Variants in SERPINB9 observed in about 807,000 individuals in gnomAD.
The protein encoded by SERPINB9 is serpin family B member 9.
SERPINB9 carries 20 observed loss-of-function variants against 27.2 expected under a neutral mutation model. The ratio of observed to expected loss-of-function variants is 0.74; its 90% CI spans 0.52 to 1.07. SERPINB9 has a LOEUF of 1.07. Among genes scored for constraint, SERPINB9 ranks in the 50% least tolerant of loss-of-function variants. SERPINB9 has a pLI of 0.00. For synonymous variants in SERPINB9, 189 were observed against 180.0 expected (o/e 1.05, Z -0.40); for missense variants, 476 against 460.1 (o/e 1.03, Z -0.32).
At position 2,893,813 on chromosome 6, in the gene SERPINB9, A is replaced by C. The variant is rs561345825; in HGVS notation, c.425-260T>G. The stretch of plus-strand genomic sequence containing the variant: ...GGTTGGTACAAAGTAGAAAAATTAC[A>C]CCAGGTTGGAGAACAAGACCAGCAG... On this transcript the variant is annotated intron_variant, in intron 4 of 6. Coordinates refer to ENST00000380698, the MANE Select transcript of SERPINB9 (RefSeq NM_004155.6). Among the ~76,000 whole-genome samples the C allele has an allele frequency of 6.6e-5, 10 of 152,252 alleles. No individual in the cohort carries two copies. In the South Asian group the frequency reaches 1.9e-3, roughly 28 times the overall value.
intron 1 of SERPINB9, among the ~76,000 whole-genome samples, chr6:2,900,953 G>C (rs1283655523): frequency 6.6e-6 from 1 of 150,660 alleles, no homozygotes; most frequent in Non-Finnish European, 1.5e-5. Flanking sequence ...GTAAGGACCA[G>C]ATCGTCCCAT....
chr6:2,896,273 C>T (rs887256852), intron 2 of SERPINB9, 83 bp from the exon 3 acceptor site: 87 of 1,294,622 alleles, frequency 6.7e-5, no homozygotes, highest in Non-Finnish European at 8.9e-5. Context: ...AGAAAACAGG[C>T]GAGTAAAAGA....
In SERPINB9 at chr6:2,891,646, T is replaced by A. The variant is rs1312645439; in HGVS notation, c.723+187A>T. Among the ~76,000 whole-genome samples, 1 of 152,222 alleles carries A rather than the reference T, an allele frequency of 6.6e-6. No individual in the cohort carries two copies. Among genetic ancestry groups the A allele is most frequent in the African/African-American group, 2.4e-5 (1 of 41,458 alleles). On this transcript the variant is annotated intron_variant, in intron 6 of 6. Coordinates refer to ENST00000380698, the MANE Select transcript of SERPINB9 (RefSeq NM_004155.6). This position sits in a 1 kb window ranked among gnomAD's most constrained non-coding sequence, Gnocchi z 4.0. Reference sequence around the variant, plus strand: ...AAACAGAGGACTGAGATGTGTAGTTTGGCAGATCACGCAGACAATATTGGG... The same window carrying A: ...AAACAGAGGACTGAGATGTGTAGTTAGGCAGATCACGCAGACAATATTGGG...
chr6:2,890,340 A>C lies in SERPINB9; in HGVS notation c.954T>G (p.Ser318Arg). ...DLCLSKFVHK[S>R]FVEVNEEGTE... ...TGCCTTCTTCATTCACCTCCACAAA[A>C]CTCTTGTGCACGAACTTGGACAGAC... The change falls in exon 7 of 7, where the codon AGT becomes AGG. Residue 318 changes from serine to arginine, a missense_variant. By Grantham distance (110) the Ser-to-Arg change is moderately radical. Transcript: ENST00000380698. The surrounding 1 kb of genome is among the most constrained non-coding windows in gnomAD (Gnocchi z 6.2). 1 of 1,613,640 alleles carries C rather than the reference A, an allele frequency of 6.2e-7. No homozygotes were observed. The highest frequency in any genetic ancestry group is 8.5e-7 in the Non-Finnish European group (1 of 1,179,936).
intron 5 of SERPINB9, among the ~76,000 whole-genome samples, chr6:2,892,982 T>C (rs997523996): frequency 1.3e-5 from 2 of 150,248 alleles, no homozygotes; most frequent in Non-Finnish European, 3.0e-5. Flanking sequence ...TAAAGACACA[T>C]GTTTTCACCT....
rs765821714 is a variant in SERPINB9 at position 2,894,381 on chromosome 6, G to C, written c.425-828C>G. On this transcript the variant is annotated intron_variant, in intron 4 of 6. Coordinates refer to ENST00000380698, the MANE Select transcript of SERPINB9 (RefSeq NM_004155.6). The surrounding 1 kb of genome is among the most constrained non-coding windows in gnomAD (Gnocchi z 4.7). ...GTCTTGGAGGCCTAGACTGGAACAC[G>C]TCACTTTCTGAAATGTAGATGAATA... Among the ~76,000 whole-genome samples the C allele has an allele frequency of 3.3e-5, 5 of 152,174 alleles. No homozygotes were observed. Among genetic ancestry groups the C allele is most frequent in the African/African-American group, 4.8e-5 (2 of 41,436 alleles).
chr6:2,900,837 C>T (rs1768172210), intron 1 of SERPINB9, among the ~76,000 whole-genome samples: 1 of 150,642 alleles, frequency 6.6e-6, no homozygotes, highest in Non-Finnish European at 1.5e-5. Context: ...GGCAGCAGCT[C>T]AAACCAGCAA....
At chr6:2,896,618 G>A (rs1368393806) in intron 2 of SERPINB9, among the ~76,000 whole-genome samples, 1 of 152,200 alleles carries the variant, frequency 6.6e-6, no homozygotes, top group Non-Finnish European at 1.5e-5. Context: ...GGGACTACAT[G>A]TGTGTATATT....
At chr6:2,893,251 CCTT>C (rs200997671) in intron 5 of SERPINB9, among the ~76,000 whole-genome samples, 157 bp downstream of exon 5, 2,252 of 51,774 alleles carry the variant, frequency 0.043, 51 homozygotes, top group African/African-American at 0.15. Context: ...ATCTTTTACT[CCTT>C]CCGTTTTTTT....
chr6:2,903,303 G>A lies in SERPINB9; in HGVS notation c.-113C>T, dbSNP rs1211782266. 1.3e-5 allele frequency: 2 copies of A among 152,226 alleles called. No homozygotes were observed. The highest frequency in any genetic ancestry group is 4.8e-5 in the African/African-American group (2 of 41,472). 9.4% of individuals were successfully genotyped at this position (152,226 alleles called of 1,614,324 possible). ...CGGCCCTGCTGCTGCGCTCGCCGCG[G>A]ACTCCCGCTAGGGCCTCTGCAGGCA... On this transcript the variant is annotated 5_prime_UTR_variant, in exon 1 of 7. Coordinates refer to ENST00000380698, the MANE Select transcript of SERPINB9 (RefSeq NM_004155.6). The surrounding 1 kb of genome is among the most constrained non-coding windows in gnomAD (Gnocchi z 5.2).
intron 5 of SERPINB9, 22 bp from the exon 6 acceptor site, chr6:2,892,010 GA>G: frequency 6.5e-7 from 1 of 1,539,698 alleles, no homozygotes; most frequent in Non-Finnish European, 8.8e-7. Context: ...ATTATTGAAA[GA>G]CGCAATTAAA....
rs1767639180 is a variant in SERPINB9 at position 2,887,529 on chromosome 6, A to AG, written c.*2633dup. On this transcript the variant is annotated 3_prime_UTR_variant, in exon 7 of 7. Transcript: ENST00000380698. ...ATCTGCATATGATACATAATGTTGC[A>AG]GATGTTTGTAATTTACATAAAAGAT... 6.6e-6 allele frequency: 1 copy of AG among 152,232 alleles called. No individual in the cohort carries two copies. The highest frequency in any genetic ancestry group is 2.1e-4 in the South Asian group (1 of 4,832). The allele number at this position is 152,232 out of a possible 1,614,324, so 9.4% of individuals were successfully genotyped here. A position where few individuals can be genotyped will look rare whatever the true frequency, so the allele number is the denominator to read the frequency against.
At position 2,889,232 on chromosome 6, in the gene SERPINB9, T is replaced by G. The variant is rs1211844678; in HGVS notation, c.*931A>C. On this transcript the variant is annotated 3_prime_UTR_variant, in exon 7 of 7. Coordinates refer to ENST00000380698, the MANE Select transcript of SERPINB9 (RefSeq NM_004155.6). ...CCTACAAGAGGATTACGTGGTAAGT[T>G]GAAAGACATTAAACAGTCCAACCTG... The G allele has an allele frequency of 6.6e-6, 1 of 152,106 alleles. No individual in the cohort carries two copies. Among genetic ancestry groups the G allele is most frequent in the African/African-American group, 2.4e-5 (1 of 41,406 alleles). 9.4% of individuals were successfully genotyped at this position (152,106 alleles called of 1,614,324 possible).
chr6:2,900,649 A>C, intron 1 of SERPINB9, 28 bp from the exon 2 acceptor site: 7 of 1,598,262 alleles, frequency 4.4e-6, no homozygotes, highest in Non-Finnish European at 6.0e-6. Flanking sequence ...AGAGAAATGC[A>C]GTTTCCACAC....
intron 1 of SERPINB9, among the ~76,000 whole-genome samples, chr6:2,901,525 G>A (rs1428786992): frequency 6.6e-6 from 1 of 152,176 alleles, no homozygotes; most frequent in Non-Finnish European, 1.5e-5. Flanking sequence ...GAGTAAAACA[G>A]GCGAGAACAA....
intron 5 of SERPINB9, among the ~76,000 whole-genome samples, 196 bp from the exon 6 acceptor site, chr6:2,892,184 C>G (rs901666773): frequency 1.3e-4 from 19 of 149,010 alleles, no homozygotes; most frequent in Non-Finnish European, 3.0e-5. Context: ...ACAGTACCAC[C>G]CTGGGAAAGG....
At position 2,890,490 on chromosome 6, in the gene SERPINB9, G is replaced by A. The variant is rs1394084798; in HGVS notation, c.804C>T (p.Leu268=). ...DCMKSTEVEV[L]LPKFKLQEDY... is the part of the protein sequence containing the mutation. Reference sequence around the variant, plus strand: ...CCTCTTGTAGTTTAAATTTTGGAAGGAGAACTTCAACCTCAGTACTCTTCA... The same window carrying A: ...CCTCTTGTAGTTTAAATTTTGGAAGAAGAACTTCAACCTCAGTACTCTTCA... The change falls in exon 7 of 7, where the codon CTC becomes CTT. Residue 268 remains leucine, a synonymous_variant. Coordinates refer to ENST00000380698, the MANE Select transcript of SERPINB9 (RefSeq NM_004155.6). The surrounding 1 kb of genome is among the most constrained non-coding windows in gnomAD (Gnocchi z 6.2). 4 of 1,614,056 alleles carry A rather than the reference G, an allele frequency of 2.5e-6. No homozygotes were observed. The highest frequency in any genetic ancestry group is 3.4e-6 in the Non-Finnish European group (4 of 1,180,038).
At chr6:2,892,468 A>G (rs569043739) in intron 5 of SERPINB9, among the ~76,000 whole-genome samples, 20 of 152,216 alleles carry the variant, frequency 1.3e-4, no homozygotes, top group Non-Finnish European at 1.5e-5. Flanking sequence ...TCTCAGAAAG[A>G]GTAACGACCT....
intron 2 of SERPINB9, among the ~76,000 whole-genome samples, chr6:2,897,564 T>A (rs1244415966): frequency 1.3e-5 from 2 of 152,178 alleles, no homozygotes; most frequent in Non-Finnish European, 2.9e-5. Flanking sequence ...CCAAAGAGTT[T>A]GGCCAAAGAT....
Sources: allele counts gnomAD v4.1 joint callset (sites outside exome capture counted in the v4.1 genomes callset), GRCh38; gene constraint gnomAD v4.1.1; non-coding constraint Gnocchi (gnomAD v3.1); transcripts MANE v1.5; gene names NCBI Gene and HGNC (gene_info 2026-07-23, HGNC 2026-07-21).